SND1: variants seen among roughly 807,000 people sequenced by gnomAD.
SND1 encodes the protein staphylococcal nuclease domain-containing protein 1.
Under a neutral mutation model 121.7 loss-of-function variants are expected in SND1, and 38 were observed. The ratio of observed to expected loss-of-function variants is 0.31; its 90% CI spans 0.24 to 0.41. SND1 has a LOEUF of 0.41. Among genes scored for constraint, SND1 ranks in the 10% least tolerant of loss-of-function variants. The pLI is 1.00. For missense variants in SND1, 868 were observed against 1,184.6 expected, an observed-to-expected ratio of 0.73 and a Z score of 3.92; for synonymous variants, 401 against 447.4, an observed-to-expected ratio of 0.90 and a Z score of 1.31.
At chr7:127,708,745 C>G (rs1480240550) in intron 9 of SND1, among the ~76,000 whole-genome samples, 2 of 152,158 alleles carry the variant, frequency 1.3e-5, no homozygotes, top group Non-Finnish European at 2.9e-5. Context: ...TAGACCTGCT[C>G]TCTGTGTCTT....
At chr7:128,056,573 G>C (rs958486283) in intron 16 of SND1, among the ~76,000 whole-genome samples, 2 of 152,216 alleles carry the variant, frequency 1.3e-5, no homozygotes, top group Admixed American at 1.3e-4. Context: ...CGCCATGCTA[G>C]GAGTTGGGAC....
intron 1 of SND1, among the ~76,000 whole-genome samples, chr7:127,670,504 A>G (rs1201265616): frequency 6.6e-6 from 1 of 152,178 alleles, no homozygotes; most frequent in East Asian, 1.9e-4. Flanking sequence ...GCCAGATTGG[A>G]AAACTTCACT....
intron 12 of SND1, among the ~76,000 whole-genome samples, chr7:127,855,809 C>G (rs986456497): frequency 1.3e-5 from 2 of 152,082 alleles, no homozygotes; most frequent in African/African-American, 4.8e-5. Flanking sequence ...TTCTCTTTTT[C>G]TTCATCACAC....
chr7:128,029,104 CAGT>C lies in SND1; in HGVS notation c.1779+38049_1779+38051del, dbSNP rs1792492766. 1 of 1,614,040 alleles carries C rather than the reference CAGT, an allele frequency of 6.2e-7. No individual in the cohort carries two copies. Among genetic ancestry groups the C allele is most frequent in the Non-Finnish European group, 8.5e-7 (1 of 1,180,046 alleles). ...TCATCCAGGCTGGTCTGCATCTTGTCAGTGGTGTCTGTCGCGGGTACTGCCACC... is the reference window on the plus strand; with the variant it reads ...TCATCCAGGCTGGTCTGCATCTTGTCGGTGTCTGTCGCGGGTACTGCCACC... On this transcript the variant is annotated intron_variant, in intron 16 of 23. Coordinates refer to ENST00000354725, the MANE Select transcript of SND1 (RefSeq NM_014390.4). The surrounding 1 kb of genome is among the most constrained non-coding windows in gnomAD (Gnocchi z 4.2).
intron 10 of SND1, among the ~76,000 whole-genome samples, chr7:127,757,967 T>G (rs1203875522): frequency 6.6e-6 from 1 of 152,216 alleles, no homozygotes; most frequent in Non-Finnish European, 1.5e-5. Context: ...CTGTTGATGC[T>G]CCTGCCATGC....
In SND1 at chr7:127,926,549, C is replaced by CTTTTTTTTT. The variant is rs71160605; in HGVS notation, c.1528-2624_1528-2616dup. Among the ~76,000 whole-genome samples, 81 of 90,556 alleles carry CTTTTTTTTT rather than the reference C, an allele frequency of 8.9e-4. 3 individuals are homozygous for CTTTTTTTTT. The highest frequency in any genetic ancestry group is 2.5e-3 in the African/African-American group (56 of 22,080). The allele number at this position is 90,556 out of a possible 152,430, so 59.4% of individuals were successfully genotyped here. On this transcript the variant is annotated intron_variant, in intron 14 of 23. Transcript: ENST00000354725. Reference sequence around the variant, plus strand: ...GCTGTATGCCTTTGATTTTCTTTTTCTTTTTTTTTTTTTTTTTTTTTTTGT... The same window carrying CTTTTTTTTT: ...GCTGTATGCCTTTGATTTTCTTTTTCTTTTTTTTTTTTTTTTTTTTTTTTTTTTTTTTGT...
intron 22 of SND1, among the ~76,000 whole-genome samples, chr7:128,091,354 A>C (rs1793776077): frequency 6.6e-6 from 1 of 151,504 alleles, no homozygotes; most frequent in Non-Finnish European, 1.5e-5. Context: ...AAGTACTGAG[A>C]CTACAGACAT....
chr7:127,849,071 T>G (rs1799119557), intron 12 of SND1, among the ~76,000 whole-genome samples: 3 of 152,186 alleles, frequency 2.0e-5, no homozygotes, highest in Non-Finnish European at 4.4e-5. Flanking sequence ...AATAAAAAGA[T>G]CAAACTTTGA....
At chr7:128,070,410 C>T (rs750150809) in intron 16 of SND1, among the ~76,000 whole-genome samples, 3 of 152,210 alleles carry the variant, frequency 2.0e-5, no homozygotes, top group Non-Finnish European at 4.4e-5. Context: ...TGCTCTCATA[C>T]GAAGCCTGCT....
At chr7:127,910,522 C>T (rs565015881) in intron 14 of SND1, among the ~76,000 whole-genome samples, 1 of 152,072 alleles carries the variant, frequency 6.6e-6, no homozygotes, top group Non-Finnish European at 1.5e-5. Context: ...AGCAAAATCA[C>T]CCAGGGGCTT....
In SND1 at chr7:127,928,822, C is replaced by G. The variant is rs184343292; in HGVS notation, c.1528-366C>G. 3.9e-3 allele frequency among the ~76,000 whole-genome samples: 599 copies of G among 152,144 alleles called. 20 individuals carry two copies. Among genetic ancestry groups the G allele is most frequent in the Admixed American group, 0.035 (530 of 15,294 alleles). ...GCCAGGATGGTTTCAAACCCCTGACCTCAGGTGATCCACCCGCCTCAGCCT... is the reference window on the plus strand; with the variant it reads ...GCCAGGATGGTTTCAAACCCCTGACGTCAGGTGATCCACCCGCCTCAGCCT... On this transcript the variant is annotated intron_variant, in intron 14 of 23. Coordinates refer to ENST00000354725, the MANE Select transcript of SND1 (RefSeq NM_014390.4).
At chr7:127,660,970 G>T (rs917788933) in intron 1 of SND1, among the ~76,000 whole-genome samples, 1 of 152,162 alleles carries the variant, frequency 6.6e-6, no homozygotes, top group Non-Finnish European at 1.5e-5. Flanking sequence ...TATTCTGAAA[G>T]AATCAGTTTG....
At chr7:127,943,095 C>A (rs1049423463) in intron 15 of SND1, among the ~76,000 whole-genome samples, 5 of 152,190 alleles carry the variant, frequency 3.3e-5, no homozygotes, top group African/African-American at 4.8e-5. Flanking sequence ...TGGTTGGTAG[C>A]TTTGGTTCCT....
At chr7:127,815,655 A>G (rs1798425283) in intron 11 of SND1, among the ~76,000 whole-genome samples, 2 of 152,168 alleles carry the variant, frequency 1.3e-5, no homozygotes, top group Admixed American at 6.5e-5. Context: ...TGCACCAGCT[A>G]GGAAGAGGCA....
At chr7:127,844,789 C>A (rs1304867032) in intron 12 of SND1, among the ~76,000 whole-genome samples, 3 of 152,118 alleles carry the variant, frequency 2.0e-5, no homozygotes, top group Non-Finnish European at 2.9e-5. Context: ...TAGCAGGTAA[C>A]AAAGAGGGAA....
intron 10 of SND1, among the ~76,000 whole-genome samples, chr7:127,738,217 C>T (rs1021092275): frequency 4.6e-5 from 7 of 151,946 alleles, no homozygotes; most frequent in South Asian, 4.2e-4. Context: ...TTGATTACTC[C>T]TAGTGCATTC....
intron 1 of SND1, among the ~76,000 whole-genome samples, chr7:127,685,407 C>T (rs971384575): frequency 1.1e-4 from 17 of 152,146 alleles, no homozygotes; most frequent in African/African-American, 3.1e-4. Flanking sequence ...ACTAACCTTT[C>T]GAAGCTATTT....
intron 16 of SND1, among the ~76,000 whole-genome samples, chr7:128,009,552 C>T (rs1055330915): frequency 1.3e-5 from 2 of 152,198 alleles, no homozygotes; most frequent in Non-Finnish European, 2.9e-5. Flanking sequence ...ATATTGAGCA[C>T]TTGAAATATG....
At chr7:127,755,229 C>A (rs1797172926) in intron 10 of SND1, among the ~76,000 whole-genome samples, 1 of 152,170 alleles carries the variant, frequency 6.6e-6, no homozygotes, top group Admixed American at 6.5e-5. Flanking sequence ...TAGCAAGGAG[C>A]CCAGGAGGAG....
Sources: allele counts gnomAD v4.1 joint callset (sites outside exome capture counted in the v4.1 genomes callset), GRCh38; gene constraint gnomAD v4.1.1; non-coding constraint Gnocchi (gnomAD v3.1); transcripts MANE v1.5; gene names NCBI Gene and HGNC (gene_info 2026-07-23, HGNC 2026-07-21).